Variants in TMCO5A observed in about 807,000 individuals in gnomAD.
TMCO5A encodes the protein transmembrane and coiled-coil domains 5A.
A neutral mutation model predicts 42.3 loss-of-function variants in TMCO5A; 34 were observed. The ratio of observed to expected loss-of-function variants is 0.80; its 90% confidence interval spans 0.61 to 1.07. TMCO5A has a LOEUF of 1.07. Ranked by LOEUF, TMCO5A falls within the 50% of genes least tolerant of loss-of-function variation. The pLI is 0.00. For missense variants in TMCO5A, 357 were observed against 327.9 expected, an observed-to-expected ratio of 1.09 and a Z score of -0.69; for synonymous variants, 131 against 115.6, an observed-to-expected ratio of 1.13 and a Z score of -0.86.
Position 37,936,468 on chromosome 15 carries a change from G to A in TMCO5A, c.140+5G>A, listed in dbSNP as rs200052999. 460 of 1,606,286 alleles carry A rather than the reference G, an allele frequency of 2.9e-4. 2 individuals carry two copies. In the African/African-American group the frequency reaches 5.1e-3, roughly 18 times the overall value. On this transcript the variant is annotated splice_donor_5th_base_variant and intron_variant, in intron 3 of 11. Transcript: ENST00000319669. ...GAGGGAAGATAAGATTCAGAGGTGAGTATTAAGGTTTCATGAGGGAAGTTC... is the reference window on the plus strand; with the variant it reads ...GAGGGAAGATAAGATTCAGAGGTGAATATTAAGGTTTCATGAGGGAAGTTC...
At chr15:37,977,826 C>G in the TMCO5A span, among the ~76,000 whole-genome samples, 4 of 152,194 alleles carry the variant, frequency 2.6e-5, no homozygotes, top group Non-Finnish European at 4.4e-5. Context: ...AATGCAGGGC[C>G]CTTACCAATC....
the TMCO5A span, among the ~76,000 whole-genome samples, chr15:38,034,071 T>C: frequency 6.6e-6 from 1 of 152,168 alleles, no homozygotes; most frequent in Non-Finnish European, 1.5e-5. Context: ...GGAAGTTGCG[T>C]TCTGTTTCTG....
the TMCO5A span, among the ~76,000 whole-genome samples, chr15:38,001,215 T>C: frequency 1.3e-5 from 2 of 152,120 alleles, no homozygotes; most frequent in African/African-American, 4.8e-5. Flanking sequence ...AATTCTTATA[T>C]ATCCTCTTGC....
intron 2 of TMCO5A, 102 bp from the exon 3 acceptor site, chr15:37,936,208 AGAGT>A: frequency 7.8e-7 from 1 of 1,284,566 alleles, no homozygotes; most frequent in African/African-American, 1.5e-5. Context: ...GCCCCCAGAG[AGAGT>A]AAGGTTAATA....
the TMCO5A span, among the ~76,000 whole-genome samples, chr15:37,989,009 T>C: frequency 6.6e-6 from 1 of 152,150 alleles, no homozygotes; most frequent in East Asian, 1.9e-4. Context: ...TAAGCCAGTC[T>C]TCTTACTACT....
the TMCO5A span, among the ~76,000 whole-genome samples, chr15:37,989,395 A>C: frequency 6.6e-6 from 1 of 151,980 alleles, no homozygotes; most frequent in Non-Finnish European, 1.5e-5. Context: ...TATACATTTA[A>C]GTAGTTTATT....
chr15:37,996,851 C>G, the TMCO5A span, among the ~76,000 whole-genome samples: 2 of 152,158 alleles, frequency 1.3e-5, no homozygotes, highest in African/African-American at 4.8e-5. Flanking sequence ...CAGAAGGCAC[C>G]ACTTACCATT....
At chr15:37,982,547 TTA>T in the TMCO5A span, among the ~76,000 whole-genome samples, 1 of 138,226 alleles carries the variant, frequency 7.2e-6, no homozygotes, top group Middle Eastern at 3.7e-3. Context: ...TTATATATTA[TTA>T]TGATATATAA....
In TMCO5A at chr15:37,937,551, A is replaced by T. The variant is rs78523248; in HGVS notation, c.315+155A>T. ...TCTCTAATCCACTCTCCTGAGGCCA[A>T]GGTTCATGACCTAAATGTTAGGGAT... On this transcript the variant is annotated intron_variant, in intron 5 of 11. Coordinates refer to ENST00000319669, the MANE Select transcript of TMCO5A (RefSeq NM_152453.4). Among the ~76,000 whole-genome samples the T allele has an allele frequency of 3.3e-3, 501 of 152,208 alleles. 9 individuals are homozygous for T. The East Asian group carries it at 0.051, about 16-fold the overall frequency.
chr15:37,935,761 G>A (rs1889487648), intron 2 of TMCO5A, among the ~76,000 whole-genome samples: 1 of 152,024 alleles, frequency 6.6e-6, no homozygotes. Context: ...GTGCTCAATG[G>A]AATTACTCTC....
At chr15:38,037,005 C>G in the TMCO5A span, among the ~76,000 whole-genome samples, 1 of 152,164 alleles carries the variant, frequency 6.6e-6, no homozygotes, top group East Asian at 1.9e-4. Context: ...GGCATTTGAA[C>G]AGAGACACTT....
At chr15:37,991,001 T>A in the TMCO5A span, among the ~76,000 whole-genome samples, 53 of 152,208 alleles carry the variant, frequency 3.5e-4, no homozygotes, top group Admixed American at 3.3e-3. Flanking sequence ...TATGCATCAA[T>A]TTTATAAACT....
chr15:37,943,528 T>C, intron 10 of TMCO5A, 130 bp downstream of exon 10: 2 of 784,258 alleles, frequency 2.6e-6, no homozygotes, highest in Non-Finnish European at 2.0e-6. Context: ...GTACCAGCTA[T>C]AATTACAGAG....
chr15:37,937,095 A>C, intron 4 of TMCO5A, 125 bp downstream of exon 4: 1 of 1,444,516 alleles, frequency 6.9e-7, no homozygotes, highest in Non-Finnish European at 9.3e-7. Flanking sequence ...AAGTCATGAT[A>C]AAATTTGTCC....
chr15:37,948,240 C>T (rs1191855678), intron 11 of TMCO5A, among the ~76,000 whole-genome samples: 1 of 152,064 alleles, frequency 6.6e-6, no homozygotes, highest in African/African-American at 2.4e-5. Context: ...CTGAGGGAAT[C>T]ACTGTGATAG....
Position 37,944,251 on chromosome 15 carries a change from G to A in TMCO5A, c.627+853G>A, listed in dbSNP as rs528899724. 13 of 152,154 alleles carry A rather than the reference G, an allele frequency of 8.5e-5. No individual in the cohort carries two copies. The East Asian group carries it at 1.7e-3, about 20-fold the overall frequency. The allele number at this position is 152,154 out of a possible 1,614,324, so 9.4% of individuals were successfully genotyped here. ...GTACTGAACAAGTCATTCTGGCCCC[G>A]AAGCTTGCATATTCTGCTTAGTAAA... On this transcript the variant is annotated intron_variant, in intron 10 of 11. Transcript: ENST00000319669.
chr15:37,937,046 T>C, intron 4 of TMCO5A, 76 bp downstream of exon 4: 1 of 1,576,052 alleles, frequency 6.3e-7, no homozygotes, highest in East Asian at 2.3e-5. Flanking sequence ...TCAGATAAGC[T>C]TGTCTCTCCT....
At chr15:37,943,457 C>A in intron 10 of TMCO5A, 59 bp downstream of exon 10, 1 of 1,558,976 alleles carries the variant, frequency 6.4e-7, no homozygotes. Context: ...AAAGCCATCT[C>A]CAGCAAACTA....
At chr15:37,978,815 G>A in the TMCO5A span, among the ~76,000 whole-genome samples, 1 of 138,168 alleles carries the variant, frequency 7.2e-6, no homozygotes, top group Admixed American at 6.8e-5. Context: ...ATTGGGTCAC[G>A]GTTCGGCCGG....
Sources: gnomAD v4.1 joint callset for allele counts (sites outside exome capture counted in the v4.1 genomes callset) on GRCh38, gnomAD v4.1.1 for gene constraint, MANE v1.5 for transcripts, NCBI Gene and HGNC (gene_info 2026-07-23, HGNC 2026-07-21) for gene names.